MOXD1: variants seen among roughly 807,000 people sequenced by gnomAD.
MOXD1 encodes the protein monooxygenase DBH like 1.
MOXD1 carries 62 observed loss-of-function variants against 66.6 expected under a neutral mutation model. The ratio of observed to expected loss-of-function variants is 0.93; its 90% CI spans 0.76 to 1.15. The LOEUF is 1.15. Among genes scored for constraint, MOXD1 ranks in the 50% most tolerant of loss-of-function variants. The pLI, the probability that MOXD1 is intolerant of heterozygous loss-of-function variation, is 0.00. For missense variants in MOXD1, 847 were observed against 754.6 expected (o/e 1.12, Z -1.44); for synonymous variants, 303 against 281.9 (o/e 1.07, Z -0.75).
chr6:132,302,103 C>A (rs1774553936), intron 10 of MOXD1, among the ~76,000 whole-genome samples: 1 of 152,074 alleles, frequency 6.6e-6, no homozygotes, highest in Non-Finnish European at 1.5e-5. Flanking sequence ...AATAAGCCAA[C>A]TATATTTAGG....
chr6:132,396,386 G>A (rs984760327), intron 1 of MOXD1, among the ~76,000 whole-genome samples: 1 of 151,952 alleles, frequency 6.6e-6, no homozygotes, highest in Middle Eastern at 3.2e-3. Context: ...TAAAAGCAGT[G>A]CTAACAGGAA....
At chr6:132,394,793 T>C (rs1350198871) in intron 1 of MOXD1, among the ~76,000 whole-genome samples, 1 of 152,088 alleles carries the variant, frequency 6.6e-6, no homozygotes, top group Non-Finnish European at 1.5e-5. Context: ...AAAAAAAGAA[T>C]GAGCAAAGCC....
At chr6:132,350,921 A>G (rs1326255945) in intron 4 of MOXD1, among the ~76,000 whole-genome samples, 1 of 151,880 alleles carries the variant, frequency 6.6e-6, no homozygotes, top group African/African-American at 2.4e-5. Flanking sequence ...AAAGGGGTTG[A>G]ATTCTTGATT....
chr6:132,322,573 G>C, intron 8 of MOXD1, 106 bp downstream of exon 8: 1 of 1,122,752 alleles, frequency 8.9e-7, no homozygotes, highest in South Asian at 1.6e-5. Flanking sequence ...TAAGAATACA[G>C]ATGCAAGGAA....
At chr6:132,305,426 G>A (rs1774667238) in intron 10 of MOXD1, among the ~76,000 whole-genome samples, 2 of 152,352 alleles carry the variant, frequency 1.3e-5, no homozygotes, top group South Asian at 4.1e-4. Flanking sequence ...AGCAGGCTTC[G>A]CCTTTCCTCC....
intron 6 of MOXD1, 103 bp downstream of exon 6, chr6:132,327,910 C>G: frequency 3.5e-6 from 3 of 855,690 alleles, no homozygotes; most frequent in South Asian, 3.2e-5. Context: ...AGGTTAATTC[C>G]TTCTAACACT....
At chr6:132,333,085 C>T (rs143029443) in intron 4 of MOXD1, among the ~76,000 whole-genome samples, 2,673 of 152,116 alleles carry the variant, frequency 0.018, 79 homozygotes, top group African/African-American at 0.061. Flanking sequence ...GCCTGTAATC[C>T]CAGCACTTTG....
chr6:132,374,077 C>A (rs558714882), intron 2 of MOXD1, among the ~76,000 whole-genome samples: 2 of 152,216 alleles, frequency 1.3e-5, no homozygotes, highest in African/African-American at 4.8e-5. Context: ...ATGGAAATTT[C>A]TGAAGTATTA....
intron 10 of MOXD1, among the ~76,000 whole-genome samples, chr6:132,299,519 A>G (rs1774483405): frequency 6.6e-6 from 1 of 152,218 alleles, no homozygotes; most frequent in South Asian, 2.1e-4. Flanking sequence ...ATCACATGCC[A>G]AATATTCAAG....
At chr6:132,369,005 G>GTC (rs377106892) in intron 4 of MOXD1, among the ~76,000 whole-genome samples, 9 of 151,898 alleles carry the variant, frequency 5.9e-5, no homozygotes, top group South Asian at 2.1e-4. Context: ...CGTGAATGTG[G>GTC]TCTCTCTCTC....
intron 4 of MOXD1, among the ~76,000 whole-genome samples, chr6:132,361,201 C>T (rs998348493): frequency 6.6e-6 from 1 of 151,986 alleles, no homozygotes; most frequent in Admixed American, 6.6e-5. Context: ...ATATATTTCA[C>T]TAGAGCATAA....
intron 4 of MOXD1, among the ~76,000 whole-genome samples, chr6:132,362,390 C>T (rs1308061988): frequency 6.6e-6 from 1 of 152,110 alleles, no homozygotes; most frequent in Non-Finnish European, 1.5e-5. Context: ...TTGTTATTAA[C>T]ATGAATTTGG....
chr6:132,342,587 G>C (rs1775587434), intron 4 of MOXD1, among the ~76,000 whole-genome samples: 1 of 152,122 alleles, frequency 6.6e-6, no homozygotes, highest in African/African-American at 2.4e-5. Flanking sequence ...AACACAACAT[G>C]AAGATTAGAT....
intron 1 of MOXD1, chr6:132,375,005 G>A: frequency 1.7e-6 from 1 of 572,502 alleles, no homozygotes; most frequent in Non-Finnish European, 3.1e-6. Context: ...ATATCGTAGA[G>A]CATCAAGAGA....
At chr6:132,309,312 A>C (rs1582561467) in intron 10 of MOXD1, among the ~76,000 whole-genome samples, 1 of 152,334 alleles carries the variant, frequency 6.6e-6, no homozygotes, top group East Asian at 1.9e-4. Context: ...ACAGCTAACA[A>C]GGGATGTGAA....
chr6:132,301,300 A>G (rs1774531378), intron 10 of MOXD1, among the ~76,000 whole-genome samples: 1 of 151,818 alleles, frequency 6.6e-6, no homozygotes, highest in South Asian at 2.1e-4. Flanking sequence ...AATTCCATCT[A>G]AACTCTGAGA....
At chr6:132,307,207 G>C (rs1393375009) in intron 10 of MOXD1, among the ~76,000 whole-genome samples, 2 of 152,054 alleles carry the variant, frequency 1.3e-5, no homozygotes, top group Non-Finnish European at 2.9e-5. Flanking sequence ...AAAAAAAGCA[G>C]GGGTTGCAAT....
intron 9 of MOXD1, among the ~76,000 whole-genome samples, chr6:132,319,009 C>G (rs1775016456): frequency 6.6e-6 from 1 of 151,952 alleles, no homozygotes; most frequent in South Asian, 2.1e-4. Context: ...GCCTCTTCTG[C>G]TCCAAGTCTT....
chr6:132,385,870 G>C (rs1400943715), intron 1 of MOXD1, among the ~76,000 whole-genome samples: 2 of 151,950 alleles, frequency 1.3e-5, no homozygotes, highest in East Asian at 3.9e-4. Context: ...CTGGGAGGCT[G>C]AGGCGGGCGG....
Sources: gnomAD v4.1 joint callset for allele counts (sites outside exome capture counted in the v4.1 genomes callset) on GRCh38, gnomAD v4.1.1 for gene constraint, MANE v1.5 for transcripts, NCBI Gene and HGNC (gene_info 2026-07-23, HGNC 2026-07-21) for gene names.